Variants in PLPPR1 observed in about 807,000 individuals in gnomAD.
The protein encoded by PLPPR1 is phospholipid phosphatase-related protein type 1.
PLPPR1 carries 10 observed loss-of-function variants against 33.1 expected under a neutral mutation model. The ratio of observed to expected loss-of-function variants is 0.30; its 90% confidence interval spans 0.19 to 0.51. The LOEUF (loss-of-function observed/expected upper bound fraction) is 0.51. PLPPR1 is among the 20% of genes least tolerant of loss of function. PLPPR1 has a pLI of 0.97. For missense variants in PLPPR1, 304 were observed against 408.1 expected, an observed-to-expected ratio of 0.74 and a Z score of 2.20; for synonymous variants, 151 against 151.0, an observed-to-expected ratio of 1.00 and a Z score of 0.00.
intron 1 of PLPPR1, among the ~76,000 whole-genome samples, chr9:101,054,816 G>A (rs761605543): frequency 6.6e-6 from 1 of 152,170 alleles, no homozygotes; most frequent in African/African-American, 2.4e-5. Flanking sequence ...TGCATTTGCT[G>A]TGTCAGCCAA....
At chr9:101,261,086 T>A (rs1260425261) in intron 2 of PLPPR1, among the ~76,000 whole-genome samples, 1 of 152,218 alleles carries the variant, frequency 6.6e-6, no homozygotes, top group Non-Finnish European at 1.5e-5. Flanking sequence ...CATGTCATTG[T>A]GTTAATTGCA....
intron 3 of PLPPR1, among the ~76,000 whole-genome samples, chr9:101,279,979 A>G (rs901028467): frequency 6.6e-6 from 1 of 152,194 alleles, no homozygotes; most frequent in Non-Finnish European, 1.5e-5. Context: ...AATGAAATTT[A>G]TAAAACAATA....
At chr9:101,287,330 T>G (rs1025399743) in intron 4 of PLPPR1, among the ~76,000 whole-genome samples, 6 of 152,174 alleles carry the variant, frequency 3.9e-5, no homozygotes, top group African/African-American at 1.4e-4. Flanking sequence ...AGTTCACTCA[T>G]TCCAAACAAT....
At chr9:101,151,891 A>C (rs1831591619) in intron 1 of PLPPR1, among the ~76,000 whole-genome samples, 1 of 152,216 alleles carries the variant, frequency 6.6e-6, no homozygotes, top group Non-Finnish European at 1.5e-5. Context: ...TCTTCCAAAA[A>C]TAATGATGAG....
chr9:101,126,384 C>T (rs902268649), intron 1 of PLPPR1, among the ~76,000 whole-genome samples: 1 of 152,166 alleles, frequency 6.6e-6, no homozygotes, highest in Non-Finnish European at 1.5e-5. Flanking sequence ...GGGCAAGCGT[C>T]CCCTAACTCC....
intron 1 of PLPPR1, among the ~76,000 whole-genome samples, chr9:101,067,163 G>A (rs1830428594): frequency 6.6e-6 from 1 of 151,678 alleles, no homozygotes; most frequent in Non-Finnish European, 1.5e-5. Context: ...TTTTCCTGCT[G>A]GTAGTCAACT....
At chr9:101,192,687 A>G (rs1261921607) in intron 2 of PLPPR1, among the ~76,000 whole-genome samples, 1 of 152,194 alleles carries the variant, frequency 6.6e-6, no homozygotes, top group Non-Finnish European at 1.5e-5. Context: ...ACATACACAC[A>G]TACACATACA....
At chr9:101,228,402 A>G (rs1422523786) in intron 2 of PLPPR1, among the ~76,000 whole-genome samples, 1 of 152,152 alleles carries the variant, frequency 6.6e-6, no homozygotes, top group Non-Finnish European at 1.5e-5. Context: ...TTTGGATCCT[A>G]GTTTCTTTAA....
intron 4 of PLPPR1, among the ~76,000 whole-genome samples, chr9:101,288,356 G>T (rs1046740634): frequency 6.6e-6 from 1 of 152,032 alleles, no homozygotes; most frequent in East Asian, 1.9e-4. Context: ...AGTCCGTTTG[G>T]GTCTGTCATA....
intron 1 of PLPPR1, among the ~76,000 whole-genome samples, chr9:101,139,640 T>C (rs1318458117): frequency 3.3e-5 from 5 of 152,140 alleles, no homozygotes; most frequent in Non-Finnish European, 1.5e-5. Flanking sequence ...TGTGTTACAC[T>C]CAAATTGAGA....
At chr9:101,254,096 C>T (rs939711633) in intron 2 of PLPPR1, among the ~76,000 whole-genome samples, 1 of 151,936 alleles carries the variant, frequency 6.6e-6, no homozygotes, top group Non-Finnish European at 1.5e-5. Flanking sequence ...GACAGTTTTT[C>T]CATGGACCAG....
intron 1 of PLPPR1, among the ~76,000 whole-genome samples, chr9:101,077,830 A>C (rs916022858): frequency 7.2e-5 from 11 of 151,988 alleles, no homozygotes; most frequent in African/African-American, 4.8e-5. Flanking sequence ...TCCAAAAGGG[A>C]CACAGGTGTG....
chr9:101,108,198 C>G (rs1831002687), intron 1 of PLPPR1, among the ~76,000 whole-genome samples: 1 of 152,106 alleles, frequency 6.6e-6, no homozygotes, highest in South Asian at 2.1e-4. Flanking sequence ...TTATCTTCTA[C>G]TATTGTAATT....
At chr9:101,061,061 C>G (rs1210470574) in intron 1 of PLPPR1, among the ~76,000 whole-genome samples, 1 of 151,952 alleles carries the variant, frequency 6.6e-6, no homozygotes, top group African/African-American at 2.4e-5. Context: ...AGGAAGCCCC[C>G]AGAATACTTA....
intron 1 of PLPPR1, among the ~76,000 whole-genome samples, chr9:101,048,039 G>A (rs1177159787): frequency 6.6e-6 from 1 of 152,130 alleles, no homozygotes; most frequent in African/African-American, 2.4e-5. Flanking sequence ...TATAGAAGGA[G>A]TTAGAAAAAA....
chr9:101,030,333 T>C (rs1276219061), intron 1 of PLPPR1, among the ~76,000 whole-genome samples: 1 of 150,842 alleles, frequency 6.6e-6, no homozygotes, highest in East Asian at 2.0e-4. Context: ...AGAGGTTGAC[T>C]GGAGGGGACG....
intron 1 of PLPPR1, among the ~76,000 whole-genome samples, chr9:101,114,948 G>A (rs542297693): frequency 6.6e-6 from 1 of 152,302 alleles, no homozygotes; most frequent in African/African-American, 2.4e-5. Context: ...TTGAGAGGTG[G>A]TGGAGAGGTC....
intron 2 of PLPPR1, among the ~76,000 whole-genome samples, chr9:101,266,543 G>A (rs1828002781): frequency 6.6e-6 from 1 of 152,180 alleles, no homozygotes; most frequent in African/African-American, 2.4e-5. Flanking sequence ...ATAAGCTGCT[G>A]AAGCTCCCAC....
intron 6 of PLPPR1, among the ~76,000 whole-genome samples, chr9:101,314,282 C>T (rs909355996): frequency 1.3e-5 from 2 of 152,196 alleles, no homozygotes; most frequent in Non-Finnish European, 2.9e-5. Context: ...ACTTAACACA[C>T]TTCCTTTTCC....
Sources: gnomAD v4.1 joint callset for allele counts (sites outside exome capture counted in the v4.1 genomes callset) on GRCh38, gnomAD v4.1.1 for gene constraint, MANE v1.5 for transcripts, NCBI Gene and HGNC (gene_info 2026-07-23, HGNC 2026-07-21) for gene names.